The following CD2AP variants were observed in gnomAD, a reference collection of about 807,000 sequenced individuals.
CD2AP encodes CD2 associated protein, also known as CD2-associated protein.
CD2AP carries 46 observed loss-of-function variants against 85.1 expected under a neutral mutation model. The ratio of observed to expected loss-of-function variants is 0.54; its 90% CI spans 0.43 to 0.69. The LOEUF is 0.69. Among genes scored for constraint, CD2AP ranks in the 30% least tolerant of loss-of-function variants. CD2AP has a pLI of 0.00. For synonymous variants in CD2AP, 255 were observed against 252.9 expected (o/e 1.01, Z -0.08); for missense variants, 769 against 729.5 (o/e 1.05, Z -0.62).
At chr6:47,600,503 C>T (rs947860887) in intron 13 of CD2AP, among the ~76,000 whole-genome samples, 1 of 151,854 alleles carries the variant, frequency 6.6e-6, no homozygotes, top group African/African-American at 2.4e-5. Flanking sequence ...GTGTGGCCTC[C>T]TTTCAGTCTT....
intron 2 of CD2AP, among the ~76,000 whole-genome samples, chr6:47,508,282 T>G (rs1766226817): frequency 6.6e-6 from 1 of 152,246 alleles, no homozygotes; most frequent in Non-Finnish European, 1.5e-5. Flanking sequence ...AGCTAGATCT[T>G]CTGGTTAACT....
chr6:47,553,691 C>T (rs1188056335), intron 4 of CD2AP, among the ~76,000 whole-genome samples: 2 of 151,802 alleles, frequency 1.3e-5, no homozygotes, highest in African/African-American at 2.4e-5. Context: ...AACCTGTGAG[C>T]ACTCCTTAAT....
Position 47,478,362 on chromosome 6 carries a change from C to A in CD2AP, c.4+114C>A. On this transcript the variant is annotated intron_variant, in intron 1 of 17. Transcript: ENST00000359314. ...TGCGGTCAGCCCCTGAGCGGCAGCA[C>A]CCCACCCTCTCCATTCTCCCCACCG... The A allele has an allele frequency of 1.5e-5, 18 of 1,203,696 alleles. No homozygotes were observed. In the South Asian group the frequency reaches 1.7e-4, roughly 11 times the overall value. The allele number at this position is 1,203,696 out of a possible 1,614,324, so 74.6% of individuals were successfully genotyped here. A position where few individuals can be genotyped will look rare whatever the true frequency, so the allele number is the denominator to read the frequency against.
chr6:47,574,264 G>T lies in CD2AP; in HGVS notation c.729+13G>T. 1 of 1,608,336 alleles carries T rather than the reference G, an allele frequency of 6.2e-7. No individual in the cohort carries two copies. The highest frequency in any genetic ancestry group is 1.1e-5 in the South Asian group (1 of 90,832). ...AAAACCAGAAAAGGTGGTAATGATG[G>T]ACTTGTTAGATTAACTCCACTCATT... On this transcript the variant is annotated intron_variant, in intron 6 of 17. Transcript: ENST00000359314.
chr6:47,486,344 A>G (rs1765563901), intron 1 of CD2AP, among the ~76,000 whole-genome samples: 1 of 152,168 alleles, frequency 6.6e-6, no homozygotes, highest in African/African-American at 2.4e-5. Flanking sequence ...AATGTCATGA[A>G]TGTGTTGGGA....
chr6:47,508,747 G>T (rs1766244767), intron 2 of CD2AP, among the ~76,000 whole-genome samples: 1 of 152,050 alleles, frequency 6.6e-6, no homozygotes, highest in South Asian at 2.1e-4. Flanking sequence ...GTTTCACCAT[G>T]TTGACCAAGC....
chr6:47,536,291 A>C (rs1343636418), intron 3 of CD2AP, among the ~76,000 whole-genome samples: 3 of 152,156 alleles, frequency 2.0e-5, no homozygotes, highest in South Asian at 2.1e-4. Context: ...CTTATTTAAA[A>C]GTGGCTCATT....
chr6:47,595,550 T>C (rs1322329490), intron 11 of CD2AP, among the ~76,000 whole-genome samples: 1 of 152,048 alleles, frequency 6.6e-6, no homozygotes, highest in South Asian at 2.1e-4. Context: ...GTGGTTGTAT[T>C]TGAGATAGAC....
rs1429153079 is a variant in CD2AP, at chr6:47,499,998, G to T, written c.5-3282G>T. ...CCCACCTCAGCCTCCCAAAGTGCTGGGATTACAGGCGTGAGCCACTGCCCC... is the reference window on the plus strand; with the variant it reads ...CCCACCTCAGCCTCCCAAAGTGCTGTGATTACAGGCGTGAGCCACTGCCCC... On this transcript the variant is annotated intron_variant, in intron 1 of 17. Coordinates refer to ENST00000359314, the MANE Select transcript of CD2AP (RefSeq NM_012120.3). 2.6e-5 allele frequency among the ~76,000 whole-genome samples: 4 copies of T among 152,122 alleles called. 1 individual carries two copies. Among genetic ancestry groups the T allele is most frequent in the South Asian group, 4.1e-4 (2 of 4,822 alleles).
chr6:47,485,361 T>C (rs1483036512), intron 1 of CD2AP, among the ~76,000 whole-genome samples: 1 of 152,058 alleles, frequency 6.6e-6, no homozygotes, highest in Non-Finnish European at 1.5e-5. Context: ...GGCTAATGTG[T>C]GTTTGTGTCT....
At chr6:47,492,970 A>T (rs1765771699) in intron 1 of CD2AP, among the ~76,000 whole-genome samples, 1 of 152,198 alleles carries the variant, frequency 6.6e-6, no homozygotes, top group Admixed American at 6.5e-5. Context: ...TTTAAATAAC[A>T]CTGCAACACT....
At chr6:47,551,999 G>A (rs978922196) in intron 4 of CD2AP, among the ~76,000 whole-genome samples, 5 of 151,928 alleles carry the variant, frequency 3.3e-5, no homozygotes, top group South Asian at 2.1e-4. Context: ...CAAGTGAGTC[G>A]TAAGCCATCA....
intron 16 of CD2AP, among the ~76,000 whole-genome samples, chr6:47,610,840 T>G (rs1769408735): frequency 6.6e-6 from 1 of 151,034 alleles, no homozygotes; most frequent in Non-Finnish European, 1.5e-5. Flanking sequence ...AGAATTCTCC[T>G]GATTCGATTT....
At chr6:47,538,807 T>A (rs1562022308) in intron 3 of CD2AP, among the ~76,000 whole-genome samples, 1 of 152,214 alleles carries the variant, frequency 6.6e-6, no homozygotes, top group African/African-American at 2.4e-5. Flanking sequence ...AATATTTACA[T>A]CTATTTTTCA....
rs796879490 is a variant in CD2AP at position 47,536,650 on chromosome 6, G to A, written c.319+2895G>A. ...CATTGCTAAGCATGGTAGCTCATTTGGTAAAACAAAGAAGTATTAATTTTT... is the reference window on the plus strand; with the variant it reads ...CATTGCTAAGCATGGTAGCTCATTTAGTAAAACAAAGAAGTATTAATTTTT... On this transcript the variant is annotated intron_variant, in intron 3 of 17. Transcript: ENST00000359314. 1.1e-4 allele frequency among the ~76,000 whole-genome samples: 17 copies of A among 152,216 alleles called. No homozygotes were observed. In the South Asian group the frequency reaches 3.5e-3, roughly 32 times the overall value.
At chr6:47,567,030 T>G (rs1397317018) in intron 5 of CD2AP, among the ~76,000 whole-genome samples, 1 of 152,126 alleles carries the variant, frequency 6.6e-6, no homozygotes, top group Non-Finnish European at 1.5e-5. Flanking sequence ...ACTCCTGAGA[T>G]TATTTAACTA....
chr6:47,587,758 T>C (rs1330376818), intron 11 of CD2AP, among the ~76,000 whole-genome samples: 1 of 152,152 alleles, frequency 6.6e-6, no homozygotes, highest in Non-Finnish European at 1.5e-5. Flanking sequence ...GTGCTGTTTC[T>C]TATAAAATCA....
chr6:47,624,094 G>C, intron 17 of CD2AP, 92 bp from the exon 18 acceptor site: 1 of 1,066,502 alleles, frequency 9.4e-7, no homozygotes. Context: ...CTGAAGGCTT[G>C]AAAGTATGAT....
chr6:47,587,466 G>C (rs1237880143), intron 11 of CD2AP, among the ~76,000 whole-genome samples: 1 of 152,126 alleles, frequency 6.6e-6, no homozygotes, highest in African/African-American at 2.4e-5. Flanking sequence ...CCACCACGTG[G>C]ATTTTCTCAA....
Sources: gnomAD v4.1 joint callset for allele counts (sites outside exome capture counted in the v4.1 genomes callset) on GRCh38, gnomAD v4.1.1 for gene constraint, MANE v1.5 for transcripts, NCBI Gene and HGNC (gene_info 2026-07-23, HGNC 2026-07-21) for gene names.